CFAP299: variants seen among roughly 807,000 people sequenced by gnomAD.
CFAP299 encodes the protein cilia and flagella associated protein 299, also known as cilia- and flagella-associated protein 299.
CFAP299 carries 21 observed loss-of-function variants against 27.0 expected under a neutral mutation model. The ratio of observed to expected loss-of-function variants is 0.78; its 90% CI spans 0.55 to 1.12. CFAP299 has a LOEUF of 1.12. Among genes scored for constraint, CFAP299 ranks in the 50% most tolerant of loss-of-function variants. The pLI, the probability that CFAP299 is intolerant of heterozygous loss-of-function variation, is 0.00. For missense variants in CFAP299, 310 were observed against 276.6 expected, an observed-to-expected ratio of 1.12 and a Z score of -0.86; for synonymous variants, 104 against 98.1, an observed-to-expected ratio of 1.06 and a Z score of -0.36.
chr4:80,732,763 G>T (rs1723613784), intron 3 of CFAP299, among the ~76,000 whole-genome samples: 1 of 152,040 alleles, frequency 6.6e-6, no homozygotes. Flanking sequence ...TCCCCTATAT[G>T]TTCCTCGTAC....
intron 3 of CFAP299, among the ~76,000 whole-genome samples, chr4:80,661,476 C>T (rs1740843853): frequency 6.6e-6 from 1 of 152,086 alleles, no homozygotes. Context: ...TTACACCTGT[C>T]TTTACTGCAA....
chr4:80,613,246 G>A (rs1030655017), intron 3 of CFAP299, among the ~76,000 whole-genome samples: 6 of 152,054 alleles, frequency 3.9e-5, no homozygotes, highest in African/African-American at 1.5e-4. Context: ...GCAGGAAGTA[G>A]AAAATTCATT....
At chr4:80,791,141 T>C (rs1284032212) in intron 3 of CFAP299, among the ~76,000 whole-genome samples, 2 of 152,100 alleles carry the variant, frequency 1.3e-5, no homozygotes, top group African/African-American at 4.8e-5. Flanking sequence ...GTGAATGCTC[T>C]GATCGCAGAT....
At chr4:80,393,730 A>G (rs564530464) in intron 2 of CFAP299, among the ~76,000 whole-genome samples, 1 of 152,220 alleles carries the variant, frequency 6.6e-6, no homozygotes, top group East Asian at 1.9e-4. Flanking sequence ...ATGATGTTCA[A>G]ACAGCTACAA....
At chr4:80,399,507 G>A (rs1197286452) in intron 2 of CFAP299, among the ~76,000 whole-genome samples, 3 of 151,942 alleles carry the variant, frequency 2.0e-5, no homozygotes, top group Non-Finnish European at 2.9e-5. Flanking sequence ...AATACTATAC[G>A]GCCATAAAAA....
chr4:80,876,762 AG>A (rs1445943988), intron 4 of CFAP299, among the ~76,000 whole-genome samples: 1 of 152,150 alleles, frequency 6.6e-6, no homozygotes, highest in Non-Finnish European at 1.5e-5. Context: ...TGACATGTAA[AG>A]ATGTCACTTT....
chr4:80,718,885 T>TCAAA (rs1270329129), intron 3 of CFAP299, among the ~76,000 whole-genome samples: 2 of 152,048 alleles, frequency 1.3e-5, no homozygotes, highest in African/African-American at 4.8e-5. Context: ...AGCACTAATG[T>TCAAA]GCTTTGAATG....
intron 2 of CFAP299, among the ~76,000 whole-genome samples, chr4:80,505,163 TA>T (rs1357950895): frequency 2.0e-5 from 3 of 151,436 alleles, no homozygotes; most frequent in African/African-American, 7.3e-5. Flanking sequence ...ACATATAAAA[TA>T]GGGGGGATGA....
intron 3 of CFAP299, among the ~76,000 whole-genome samples, chr4:80,822,453 A>G (rs1029448247): frequency 3.3e-5 from 5 of 152,188 alleles, no homozygotes; most frequent in Admixed American, 1.3e-4. Context: ...TTTGTTTCAA[A>G]TCTATTTAAA....
chr4:80,615,608 C>A lies in CFAP299; in HGVS notation c.333+32425C>A, dbSNP rs115568559. On this transcript the variant is annotated intron_variant, in intron 3 of 5. Transcript: ENST00000358105. ...AGTTCAGTGGCATGATCATAGCTCA[C>A]TGCAGCCTCAAACTCCTCCTGGGTT... Among the ~76,000 whole-genome samples the A allele has an allele frequency of 1.3e-5, 2 of 151,830 alleles. 1 individual carries two copies. Among genetic ancestry groups the A allele is most frequent in the Non-Finnish European group, 2.9e-5 (2 of 67,964 alleles).
intron 2 of CFAP299, among the ~76,000 whole-genome samples, chr4:80,561,228 A>G (rs1735022211): frequency 6.6e-6 from 1 of 152,142 alleles, no homozygotes. Context: ...TGGTACCTCT[A>G]TGAGCCTGAA....
At chr4:80,457,221 G>A (rs537346868) in intron 2 of CFAP299, among the ~76,000 whole-genome samples, 13 of 152,118 alleles carry the variant, frequency 8.5e-5, no homozygotes, top group East Asian at 7.7e-4. Context: ...CGCAGGCAGC[G>A]TTTTCCACAA....
At chr4:80,836,083 G>C (rs1178075990) in intron 3 of CFAP299, among the ~76,000 whole-genome samples, 1 of 151,976 alleles carries the variant, frequency 6.6e-6, no homozygotes, top group East Asian at 1.9e-4. Context: ...CAATTACTAG[G>C]CCTACTTGCT....
chr4:80,482,633 T>C (rs1213106082), intron 2 of CFAP299, among the ~76,000 whole-genome samples: 1 of 152,094 alleles, frequency 6.6e-6, no homozygotes, highest in Non-Finnish European at 1.5e-5. Flanking sequence ...TATTAGCTGG[T>C]ATTGGAGGAC....
chr4:80,469,497 A>C (rs1487503435), intron 2 of CFAP299, among the ~76,000 whole-genome samples: 1 of 152,234 alleles, frequency 6.6e-6, no homozygotes, highest in African/African-American at 2.4e-5. Flanking sequence ...GTATGAAAAC[A>C]TAAAATTATG....
chr4:80,485,650 G>C (rs1264089993), intron 2 of CFAP299, among the ~76,000 whole-genome samples: 1 of 151,950 alleles, frequency 6.6e-6, no homozygotes, highest in Non-Finnish European at 1.5e-5. Context: ...AAGGAAAAAT[G>C]GCATTATTTG....
At chr4:80,439,637 G>A (rs758666169) in intron 2 of CFAP299, among the ~76,000 whole-genome samples, 5 of 152,224 alleles carry the variant, frequency 3.3e-5, no homozygotes, top group Non-Finnish European at 5.9e-5. Context: ...CAGACACCAA[G>A]CTAGCTGCAG....
At chr4:80,765,190 G>A (rs1725787183) in intron 3 of CFAP299, among the ~76,000 whole-genome samples, 1 of 152,078 alleles carries the variant, frequency 6.6e-6, no homozygotes, top group Non-Finnish European at 1.5e-5. Flanking sequence ...GCATATGAGG[G>A]AAAATAAAAA....
intron 4 of CFAP299, among the ~76,000 whole-genome samples, chr4:80,934,934 T>A (rs2220914): frequency 0.067 from 10,158 of 152,066 alleles, 712 homozygotes; most frequent in African/African-American, 0.16. Context: ...GTTTAGCTTT[T>A]TGTTTTTATA....
Sources: gnomAD v4.1 joint callset for allele counts (sites outside exome capture counted in the v4.1 genomes callset) on GRCh38, gnomAD v4.1.1 for gene constraint, MANE v1.5 for transcripts, NCBI Gene and HGNC (gene_info 2026-07-23, HGNC 2026-07-21) for gene names.